The following NEDD9 variants were observed in gnomAD, a reference collection of about 807,000 sequenced individuals.
NEDD9 encodes the protein neural precursor cell expressed, developmentally down-regulated 9, also known as enhancer of filamentation 1.
NEDD9 carries 26 observed loss-of-function variants against 76.6 expected under a neutral mutation model. That is an observed-to-expected ratio of 0.34 (90% confidence interval 0.25 to 0.47). The LOEUF (loss-of-function observed/expected upper bound fraction) is 0.47, where lower values mean the gene tolerates loss of function less well. Ranked by LOEUF, NEDD9 falls within the 20% of genes least tolerant of loss-of-function variation. NEDD9 has a pLI of 1.00. For synonymous variants in NEDD9, 392 were observed against 414.2 expected, an observed-to-expected ratio of 0.95 and a Z score of 0.65; for missense variants, 937 against 1,058.5, an observed-to-expected ratio of 0.89 and a Z score of 1.59.
At chr6:11,265,014 GCA>G (rs1480976700) in intron 3 of NEDD9, among the ~76,000 whole-genome samples, 1 of 152,192 alleles carries the variant, frequency 6.6e-6, no homozygotes, top group Admixed American at 6.5e-5. Context: ...TATAGGTTTT[GCA>G]CATTTTCTTA....
intron 2 of NEDD9, among the ~76,000 whole-genome samples, chr6:11,308,859 A>T (rs1761278280): frequency 6.6e-6 from 1 of 152,234 alleles, no homozygotes; most frequent in Non-Finnish European, 1.5e-5. Flanking sequence ...TTTTAAACTC[A>T]TGATAAGAAT....
chr6:11,231,257 G>GA, intron 1 of NEDD9, among the ~76,000 whole-genome samples: 1 of 152,206 alleles, frequency 6.6e-6, no homozygotes, highest in East Asian at 1.9e-4. Flanking sequence ...GAAAGCTGAT[G>GA]AAACAGAAAT....
intron 3 of NEDD9, among the ~76,000 whole-genome samples, chr6:11,261,144 A>G (rs1475821776): frequency 6.6e-6 from 1 of 152,188 alleles, no homozygotes; most frequent in African/African-American, 2.4e-5. Flanking sequence ...ATCCCTGAGT[A>G]CCAGAGCCGT....
At chr6:11,230,147 A>T (rs966575041) in intron 1 of NEDD9, among the ~76,000 whole-genome samples, 4 of 152,244 alleles carry the variant, frequency 2.6e-5, no homozygotes, top group Non-Finnish European at 5.9e-5. Context: ...ATAACTGCCA[A>T]ACATGCACTT....
intron 2 of NEDD9, among the ~76,000 whole-genome samples, chr6:11,325,331 G>A (rs1761900493): frequency 6.6e-6 from 1 of 151,154 alleles, no homozygotes; most frequent in South Asian, 2.1e-4. Context: ...CTCCAGCCTG[G>A]GTGACAGAGA....
chr6:11,226,171 C>T (rs1759302886), intron 1 of NEDD9, among the ~76,000 whole-genome samples: 1 of 152,104 alleles, frequency 6.6e-6, no homozygotes, highest in Admixed American at 6.5e-5. Context: ...CCTCATTAGC[C>T]AGCAGGAATT....
intron 1 of NEDD9, among the ~76,000 whole-genome samples, chr6:11,349,818 G>A (rs545061970): frequency 6.6e-6 from 1 of 152,216 alleles, no homozygotes; most frequent in Admixed American, 6.5e-5. Context: ...CAACTAATGG[G>A]TACTAGGTTT....
chr6:11,190,648 G>C lies in NEDD9; in HGVS notation c.1221C>G (p.Asp407Glu). ...AQDKRLFLDP[D>E]TAIERLQRLQ... ...GCCGCTGAAGTCTCTCAATAGCTGT[G>C]TCTGGATCCAGGAAGAGCCTTTTGT... is the stretch of plus-strand genomic sequence containing the variant. The change falls in exon 5 of 7, where the codon GAC (aspartate) becomes GAG (glutamate). Residue 407 changes from aspartate (D) to glutamate (E), a missense_variant. By Grantham distance (45) the Asp-to-Glu change is conservative. Coordinates refer to ENST00000379446, the MANE Select transcript of NEDD9 (RefSeq NM_006403.4). This position sits in a 1 kb window ranked among gnomAD's most constrained non-coding sequence, Gnocchi z 5.8. 6.2e-7 allele frequency: 1 copy of C among 1,614,198 alleles called. No individual in the cohort carries two copies. Among genetic ancestry groups the C allele is most frequent in the South Asian group, 1.1e-5 (1 of 91,084 alleles).
intron 3 of NEDD9, among the ~76,000 whole-genome samples, chr6:11,274,285 T>C (rs1760374168): frequency 6.6e-6 from 1 of 152,162 alleles, no homozygotes; most frequent in South Asian, 2.1e-4. Context: ...GTCCATGTCT[T>C]ATGTTCTGAA....
In NEDD9 at chr6:11,190,872, T is replaced by A. The variant is rs1166640309; in HGVS notation, c.997A>T (p.Ser333Cys). ...VQFLEPPAET[S>C]EKANPQERDG... ...CTTTCCTGGGGGTTTGCTTTCTCAC[T>A]GGTTTCTGCTGGTGGCTCAAGAAAC... The change falls in exon 5 of 7, where the codon AGT becomes TGT. Residue 333 changes from serine (S) to cysteine (C), a missense_variant. Ser to Cys is a moderately radical substitution (Grantham distance 112). Coordinates refer to ENST00000379446, the MANE Select transcript of NEDD9 (RefSeq NM_006403.4). The surrounding 1 kb of genome is among the most constrained non-coding windows in gnomAD (Gnocchi z 5.8). 1 of 1,614,032 alleles carries A rather than the reference T, an allele frequency of 6.2e-7. No individual in the cohort carries two copies. Among genetic ancestry groups the A allele is most frequent in the African/African-American group, 1.3e-5 (1 of 74,908 alleles).
At chr6:11,357,411 C>T (rs530521062) in intron 1 of NEDD9, among the ~76,000 whole-genome samples, 2 of 152,296 alleles carry the variant, frequency 1.3e-5, no homozygotes, top group African/African-American at 4.8e-5. Flanking sequence ...TCTTGGACTA[C>T]AGAGACCTAT....
At chr6:11,193,141 C>A (rs1581945800) in intron 3 of NEDD9, among the ~76,000 whole-genome samples, 3 of 150,328 alleles carry the variant, frequency 2.0e-5, no homozygotes, top group African/African-American at 7.3e-5. Context: ...CCTGTCCCTA[C>A]AAAATACAAA....
At chr6:11,373,847 G>C (rs1401915535) in intron 1 of NEDD9, among the ~76,000 whole-genome samples, 1 of 152,148 alleles carries the variant, frequency 6.6e-6, no homozygotes, top group African/African-American at 2.4e-5. Flanking sequence ...CCATAATGTA[G>C]GTGGGCCTCC....
chr6:11,322,025 A>G (rs1169950658), intron 2 of NEDD9, among the ~76,000 whole-genome samples: 4 of 152,214 alleles, frequency 2.6e-5, no homozygotes, highest in African/African-American at 9.7e-5. Context: ...TGTCCTTTAC[A>G]GGGACATGGA....
intron 3 of NEDD9, among the ~76,000 whole-genome samples, chr6:11,278,551 C>T (rs564289117): frequency 1.3e-5 from 2 of 152,246 alleles, no homozygotes; most frequent in Admixed American, 6.5e-5. Flanking sequence ...GTTGCAGATT[C>T]GAAGAGCTCA....
intron 3 of NEDD9, among the ~76,000 whole-genome samples, chr6:11,277,920 TTTGCC>T (rs1581995299): frequency 6.6e-6 from 1 of 152,022 alleles, no homozygotes; most frequent in African/African-American, 2.4e-5. Flanking sequence ...TCTTTCTTCC[TTTGCC>T]TTGCCTTGCC....
chr6:11,192,558 A>G, intron 3 of NEDD9, 112 bp from the exon 4 acceptor site: 1 of 709,206 alleles, frequency 1.4e-6, no homozygotes, highest in Non-Finnish European at 2.3e-6. Flanking sequence ...TACAAGCTTG[A>G]TCTTTGGCAG....
chr6:11,315,293 A>G (rs1189145740), intron 2 of NEDD9, among the ~76,000 whole-genome samples: 3 of 152,250 alleles, frequency 2.0e-5, no homozygotes, highest in African/African-American at 7.2e-5. Context: ...ACTAAGGCAG[A>G]CAGAGATCAT....
intron 1 of NEDD9, chr6:11,352,126 C>G (rs1762483248): frequency 6.6e-6 from 1 of 152,240 alleles, no homozygotes; most frequent in African/African-American, 2.4e-5. Flanking sequence ...GGCCACGTTC[C>G]CAACCTCTGA....
Sources: gnomAD v4.1 joint callset for allele counts (sites outside exome capture counted in the v4.1 genomes callset) on GRCh38, gnomAD v4.1.1 for gene constraint, Gnocchi (gnomAD v3.1) non-coding constraint, MANE v1.5 for transcripts, NCBI Gene and HGNC (gene_info 2026-07-23, HGNC 2026-07-21) for gene names.